The following WDFY3 variants were observed in gnomAD, a reference collection of about 807,000 sequenced individuals.
WDFY3 encodes WD repeat and FYVE domain-containing protein 3.
WDFY3 carries 66 observed loss-of-function variants against 409.6 expected under a neutral mutation model. The ratio of observed to expected loss-of-function variants is 0.16; its 90% confidence interval spans 0.13 to 0.20. The LOEUF is 0.20. Ranked by LOEUF, WDFY3 falls within the 10% of genes least tolerant of loss-of-function variation. The pLI is 1.00. For missense variants in WDFY3, 3,031 were observed against 4,298.1 expected (o/e 0.71, Z 8.24); for synonymous variants, 1,521 against 1,537.1 (o/e 0.99, Z 0.25).
intron 21 of WDFY3, among the ~76,000 whole-genome samples, chr4:84,793,561 G>A (rs1188833942): frequency 6.6e-6 from 1 of 152,188 alleles, no homozygotes; most frequent in Non-Finnish European, 1.5e-5. Context: ...CTTCTGAGGG[G>A]CAGATAGAAG....
chr4:84,946,968 G>A (rs1579244877), intron 1 of WDFY3, among the ~76,000 whole-genome samples: 1 of 151,576 alleles, frequency 6.6e-6, no homozygotes, highest in Non-Finnish European at 1.5e-5. Flanking sequence ...CACCACGCCT[G>A]GCTAATTTTT....
intron 25 of WDFY3, among the ~76,000 whole-genome samples, chr4:84,780,621 G>A (rs373148798): frequency 2.6e-5 from 4 of 151,888 alleles, no homozygotes; most frequent in African/African-American, 4.8e-5. Context: ...AAAATTAGCC[G>A]GGCGTGGTTG....
chr4:84,787,862 G>T, intron 22 of WDFY3, 149 bp from the exon 23 acceptor site: 1 of 692,918 alleles, frequency 1.4e-6, no homozygotes, highest in Non-Finnish European at 2.4e-6. Flanking sequence ...GAAGGGCAAG[G>T]CACGATACTG....
chr4:84,932,711 T>C (rs986658242), intron 1 of WDFY3, among the ~76,000 whole-genome samples: 9 of 152,164 alleles, frequency 5.9e-5, no homozygotes, highest in Non-Finnish European at 1.3e-4. Flanking sequence ...CAGTACTCAT[T>C]TGTATATCAC....
At position 84,810,143 on chromosome 4, in the gene WDFY3, G is replaced by A. The variant is rs761097519; in HGVS notation, c.2089C>T (p.Arg697Cys). Residue 697 changes from arginine to cysteine, a missense_variant, in exon 14 of 68, where the codon CGC becomes TGC. Transcript: ENST00000295888. ...AAATGAGAGTTGGCTGGCTCATAGCGCATTGCTGCAGTCAACGTGCAGAAC... is the reference window on the plus strand; with the variant it reads ...AAATGAGAGTTGGCTGGCTCATAGCACATTGCTGCAGTCAACGTGCAGAAC... ...TVFCTLTAAM[R>C]YEPANSHFFK... 21 of 1,614,006 alleles carry A rather than the reference G, an allele frequency of 1.3e-5. No individual in the cohort carries two copies. Among genetic ancestry groups the A allele is most frequent in the East Asian group, 6.7e-5 (3 of 44,896 alleles).
At chr4:84,910,404 A>C (rs149423750) in intron 2 of WDFY3, among the ~76,000 whole-genome samples, 3 of 152,150 alleles carry the variant, frequency 2.0e-5, no homozygotes, top group African/African-American at 7.2e-5. Flanking sequence ...AAAACATTTA[A>C]TATAATAAAT....
intron 10 of WDFY3, among the ~76,000 whole-genome samples, chr4:84,824,707 A>G (rs1026841643): frequency 6.6e-6 from 1 of 152,150 alleles, no homozygotes; most frequent in East Asian, 1.9e-4. Context: ...AAACTCATCA[A>G]ATTCAACACT....
intron 7 of WDFY3, among the ~76,000 whole-genome samples, chr4:84,836,597 A>G (rs943992283): frequency 1.9e-4 from 29 of 152,044 alleles, no homozygotes; most frequent in African/African-American, 5.8e-4. Flanking sequence ...TTGAGACATT[A>G]TAAGAAATAT....
intron 47 of WDFY3, among the ~76,000 whole-genome samples, 186 bp from the exon 48 acceptor site, chr4:84,718,756 C>G (rs566851183): frequency 6.6e-6 from 1 of 152,090 alleles, no homozygotes; most frequent in African/African-American, 2.4e-5. Context: ...TCACTCATAC[C>G]CATCCACTCA....
chr4:84,770,537 T>C (rs1218747797), intron 30 of WDFY3, among the ~76,000 whole-genome samples: 1 of 152,204 alleles, frequency 6.6e-6, no homozygotes, highest in Non-Finnish European at 1.5e-5. Flanking sequence ...GAACTAACGC[T>C]CAGGCTAAAG....
At chr4:84,832,381 A>C (rs1420441388) in intron 7 of WDFY3, among the ~76,000 whole-genome samples, 4 of 152,152 alleles carry the variant, frequency 2.6e-5, no homozygotes, top group Non-Finnish European at 5.9e-5. Context: ...AGGGATACTG[A>C]AGTATAGTTG....
At chr4:84,798,750 C>T (rs1749957194) in intron 17 of WDFY3, among the ~76,000 whole-genome samples, 2 of 152,104 alleles carry the variant, frequency 1.3e-5, no homozygotes, top group Admixed American at 1.3e-4. Context: ...TTTTACTATT[C>T]CTAAAACAGA....
intron 3 of WDFY3, among the ~76,000 whole-genome samples, chr4:84,867,834 G>A (rs1429755322): frequency 6.6e-6 from 1 of 152,106 alleles, no homozygotes; most frequent in East Asian, 1.9e-4. Flanking sequence ...TGTAATGTAA[G>A]CTCATATGGC....
chr4:84,736,529 A>G (rs542918489), intron 41 of WDFY3, among the ~76,000 whole-genome samples: 1 of 148,020 alleles, frequency 6.8e-6, no homozygotes, highest in African/African-American at 2.4e-5. Context: ...TATTAGCTGA[A>G]CTGATAGTTG....
At chr4:84,929,788 G>A (rs1579172756) in intron 2 of WDFY3, among the ~76,000 whole-genome samples, 1 of 152,160 alleles carries the variant, frequency 6.6e-6, no homozygotes, top group East Asian at 1.9e-4. Flanking sequence ...ATGCACACCT[G>A]TAATCCCAGC....
chr4:84,899,617 A>G (rs1766084464), intron 2 of WDFY3, among the ~76,000 whole-genome samples: 1 of 152,174 alleles, frequency 6.6e-6, no homozygotes. Context: ...ACATTCATTT[A>G]CTTACGTATT....
chr4:84,737,921 G>A (rs1184276337), intron 40 of WDFY3, among the ~76,000 whole-genome samples: 1 of 152,144 alleles, frequency 6.6e-6, no homozygotes, highest in Non-Finnish European at 1.5e-5. Flanking sequence ...CAGTAGGTCA[G>A]AGTAGGGCAA....
Position 84,756,943 on chromosome 4 carries a change from T to C in WDFY3, c.5407A>G (p.Ser1803Gly). Residue 1803 changes from serine (S) to glycine (G), a missense_variant, in exon 33 of 68, where the codon AGT becomes GGT. By Grantham distance (56) the Ser-to-Gly change is moderately conservative. Coordinates refer to ENST00000295888, the MANE Select transcript of WDFY3 (RefSeq NM_014991.6). ...QVSVPVISCR[S>G]KQGCQFDLDS... ...ATTCCTACCTGGCAACCCTGCTTAC[T>C]CCGGCAGCTGATGACAGGCACACTG... 6.2e-7 allele frequency: 1 copy of C among 1,613,970 alleles called. No individual in the cohort carries two copies. The highest frequency in any genetic ancestry group is 1.3e-5 in the African/African-American group (1 of 75,028).
rs774720779 is a variant in WDFY3 at position 84,801,686 on chromosome 4, C to T, written c.2786G>A (p.Arg929Gln). The T allele has an allele frequency of 6.3e-5, 102 of 1,612,080 alleles. No individual in the cohort carries two copies. Among genetic ancestry groups the T allele is most frequent in the Non-Finnish European group, 8.1e-5 (96 of 1,179,516 alleles). Reference protein sequence around the residue: ...LHPPLQRMFERLASQALEPMV... With the variant: ...LHPPLQRMFEQLASQALEPMV... ...GGGTTCCAGAGCCTGAGAGGCTAAT[C>T]GTTCAAACATCCGCTGCAGGGGCGG... The change falls in exon 17 of 68, where the codon CGA becomes CAA. Residue 929 changes from arginine to glutamine, a missense_variant. Transcript: ENST00000295888.
Sources: allele counts gnomAD v4.1 joint callset (sites outside exome capture counted in the v4.1 genomes callset), GRCh38; gene constraint gnomAD v4.1.1; transcripts MANE v1.5; gene names NCBI Gene and HGNC (gene_info 2026-07-23, HGNC 2026-07-21).